Variants in MEIOC observed in about 807,000 individuals in gnomAD.
The protein encoded by MEIOC is meiosis-specific coiled-coil domain-containing protein MEIOC.
A neutral mutation model predicts 85.3 loss-of-function variants in MEIOC; 9 were observed. The ratio of observed to expected loss-of-function variants is 0.11; its 90% CI spans 0.06 to 0.18. The LOEUF is 0.18. MEIOC is among the 10% of genes least tolerant of loss of function. MEIOC has a pLI of 1.00. For missense variants in MEIOC, 898 were observed against 1,129.4 expected, an observed-to-expected ratio of 0.80 and a Z score of 2.94; for synonymous variants, 365 against 393.7, an observed-to-expected ratio of 0.93 and a Z score of 0.86.
rs1598730846 is a variant in MEIOC, at chr17:44,673,748, CTG to C, written c.2638+206_2638+207del. On this transcript the variant is annotated intron_variant, in intron 7 of 7. Coordinates refer to ENST00000409122, the MANE Select transcript of MEIOC (RefSeq NM_001145080.3). ...TCTGTTATAACTGTTTCAAGACAGT[CTG>C]TGTTCTACTCAAACTATAGTCACTA... 7.1e-6 allele frequency: 5 copies of C among 700,598 alleles called. No homozygotes were observed. The East Asian group carries it at 1.1e-4, about 15-fold the overall frequency. 43.4% of individuals were successfully genotyped at this position (700,598 alleles called of 1,614,324 possible). A position where few individuals can be genotyped will look rare whatever the true frequency, so the allele number is the denominator to read the frequency against.
At position 44,667,031 on chromosome 17, in the gene MEIOC, G is replaced by T. The variant is rs1487788340; in HGVS notation, c.1120G>T (p.Val374Phe). The T allele has an allele frequency of 6.2e-7, 1 of 1,613,760 alleles. No individual in the cohort carries two copies. Among genetic ancestry groups the T allele is most frequent in the East Asian group, 2.2e-5 (1 of 44,874 alleles). ...EADTYTKLFQ[V>F]KPANQKKMEE... is the part of the protein sequence containing the mutation. ...AGACACCTACACAAAGTTATTTCAGGTTAAGCCAGCGAATCAGAAAAAAAT... is the reference window on the plus strand; with the variant it reads ...AGACACCTACACAAAGTTATTTCAGTTTAAGCCAGCGAATCAGAAAAAAAT... Residue 374 changes from valine (V) to phenylalanine (F), a missense_variant, in exon 5 of 8, where the codon GTT becomes TTT. Transcript: ENST00000409122.
At position 44,657,131 on chromosome 17, in the gene MEIOC, A is replaced by G. The variant is rs1327737555; in HGVS notation, c.74A>G (p.Lys25Arg). The part of the protein sequence containing the change: ...SGLREEGLEP[K>R]VAFPGGANRC... ...TCCTATTCCCGTGTGCTGCAGCCCA[A>G]AGTCGCGTTCCCCGGAGGTGCGAAT... is the stretch of plus-strand genomic sequence containing the variant. Residue 25 changes from lysine to arginine, a missense_variant, in exon 2 of 8, where the codon AAA (lysine) becomes AGA (arginine). By Grantham distance (26) the Lys-to-Arg change is conservative. Around this residue, in one of 2 missense-constraint regions of MEIOC, gnomAD observed 734 missense variants for 860.1 expected, o/e 0.85. Transcript: ENST00000409122. The G allele has an allele frequency of 1.3e-6, 2 of 1,549,678 alleles. No individual in the cohort carries two copies. Among genetic ancestry groups the G allele is most frequent in the East Asian group, 2.4e-5 (1 of 40,906 alleles).
Position 44,656,698 on chromosome 17 carries a change from G to A in MEIOC, c.69+16G>A. ...AGGACTTGAGGTAATGGATGAGGAA[G>A]GGCAGGGTCCAGGGGGCGGCCAGAC... On this transcript the variant is annotated intron_variant, in intron 1 of 7. Transcript: ENST00000409122. 1 of 1,487,886 alleles carries A rather than the reference G, an allele frequency of 6.7e-7. No individual in the cohort carries two copies. Among genetic ancestry groups the A allele is most frequent in the East Asian group, 3.0e-5 (1 of 33,468 alleles). 92.2% of individuals were successfully genotyped at this position (1,487,886 alleles called of 1,614,324 possible). A position where few individuals can be genotyped will look rare whatever the true frequency, so the allele number is the denominator to read the frequency against.
At chr17:44,669,718 G>A (rs1354319812) in intron 6 of MEIOC, 11 of 504,138 alleles carry the variant, frequency 2.2e-5, no homozygotes, top group Middle Eastern at 5.4e-4. Context: ...AAATTAGCTG[G>A]GGGTGGTGGC....
At position 44,666,546 on chromosome 17, in the gene MEIOC, G is replaced by C; in HGVS notation, c.635G>C (p.Ser212Thr). Reference protein sequence around the residue: ...SAMEKQYLRNSNLTPQQKIDE... With the variant: ...SAMEKQYLRNTNLTPQQKIDE... ...ATGGAAAAGCAATACCTGCGTAACA[G>C]TAATCTCACACCACAACAAAAAATA... Residue 212 changes from serine (S) to threonine (T), a missense_variant, in exon 5 of 8, where the codon AGT (serine) becomes ACT (threonine). Ser to Thr is a moderately conservative substitution (Grantham distance 58). This residue lies in a region of MEIOC where 734 missense variants were observed against 860.1 expected (regional missense o/e 0.85). Transcript: ENST00000409122. The C allele has an allele frequency of 6.2e-7, 1 of 1,609,892 alleles. No homozygotes were observed. The highest frequency in any genetic ancestry group is 8.5e-7 in the Non-Finnish European group (1 of 1,177,892).
In MEIOC at chr17:44,669,466, C is replaced by A. The variant is rs1223653533; in HGVS notation, c.2406C>A (p.Asn802Lys). The A allele has an allele frequency of 6.4e-7, 1 of 1,558,938 alleles. No homozygotes were observed. The highest frequency in any genetic ancestry group is 8.7e-7 in the Non-Finnish European group (1 of 1,150,652). Reference sequence around the variant, plus strand: ...CTCCAGTTCCAAGGCTGACTTCCAACCCATCTAGAGTTGATCGCTTAATTG... The same window carrying A: ...CTCCAGTTCCAAGGCTGACTTCCAAACCATCTAGAGTTGATCGCTTAATTG... ...NNTPVPRLTS[N>K]PSRVDRLIVD... The change falls in exon 6 of 8, where the codon AAC becomes AAA. Residue 802 changes from asparagine to lysine, a missense_variant. Coordinates refer to ENST00000409122, the MANE Select transcript of MEIOC (RefSeq NM_001145080.3).
In MEIOC at chr17:44,673,963, GTTTA is replaced by G. The variant is rs1281508554; in HGVS notation, c.2639-9_2639-6del. The G allele has an allele frequency of 1.9e-6, 3 of 1,550,018 alleles. No homozygotes were observed. Among genetic ancestry groups the G allele is most frequent in the South Asian group, 1.2e-5 (1 of 83,984 alleles). On this transcript the variant is annotated splice_polypyrimidine_tract_variant and intron_variant, in intron 7 of 7. Transcript: ENST00000409122. ...CATTTAATATGAAATGACCCTGAATGTTTATTTTACAGATGTTTTTGCCCTTGCT... is the reference window on the plus strand; with the variant it reads ...CATTTAATATGAAATGACCCTGAATGTTTTACAGATGTTTTTGCCCTTGCT...
At position 44,668,045 on chromosome 17, in the gene MEIOC, T is replaced by C. The variant is rs61745789; in HGVS notation, c.2134T>C (p.Tyr712His). The stretch of plus-strand genomic sequence containing the variant: ...GTTGGATTCCTATGACTTACTTTCT[T>C]ATGATGACTTAAGCCATTTGTACCC... ...PLLDSYDLLS[Y>H]DDLSHLYPYF... Residue 712 changes from tyrosine (Y) to histidine (H), a missense_variant, in exon 5 of 8, where the codon TAT becomes CAT. Tyr to His is a moderately conservative substitution (Grantham distance 83). Transcript: ENST00000409122. 9,726 of 1,613,354 alleles carry C rather than the reference T, an allele frequency of 6.0e-3. 509 individuals are homozygous for C. The African/African-American group carries it at 0.12, about 19-fold the overall frequency.
Position 44,667,192 on chromosome 17 carries a change from C to G in MEIOC, c.1281C>G (p.His427Gln). Residue 427 changes from histidine (H) to glutamine (Q), a missense_variant, in exon 5 of 8, where the codon CAC becomes CAG. Transcript: ENST00000409122. ...GLTSEYGLKP[H>Q]TACPANDFAN... Reference sequence around the variant, plus strand: ...CATCAGAATATGGACTAAAACCTCACACAGCTTGTCCCGCTAATGATTTTG... The same window carrying G: ...CATCAGAATATGGACTAAAACCTCAGACAGCTTGTCCCGCTAATGATTTTG... 1 of 1,613,916 alleles carries G rather than the reference C, an allele frequency of 6.2e-7. No individual in the cohort carries two copies. The highest frequency in any genetic ancestry group is 1.3e-5 in the African/African-American group (1 of 75,058).
intron 2 of MEIOC, among the ~76,000 whole-genome samples, chr17:44,658,345 C>CG (rs1971794546): frequency 6.7e-6 from 1 of 150,048 alleles, no homozygotes; most frequent in Non-Finnish European, 1.5e-5. Flanking sequence ...TTAGTAGATA[C>CG]GGGGTTTCAC....
chr17:44,667,474 A>G lies in MEIOC; in HGVS notation c.1563A>G (p.Ser521=). ...SNHSSDFPQL[S]STNLTPNSNL... is the part of the protein sequence containing the mutation. ...ATTCTTCAGATTTCCCCCAACTATC[A>G]TCCACAAACTTAACCCCAAATAGCA... Residue 521 remains serine (S), a synonymous_variant, in exon 5 of 8, where the codon TCA becomes TCG. Transcript: ENST00000409122. 6.2e-7 allele frequency: 1 copy of G among 1,613,766 alleles called. No individual in the cohort carries two copies. The highest frequency in any genetic ancestry group is 1.1e-5 in the South Asian group (1 of 91,056).
chr17:44,661,707 A>G (rs959782926), intron 2 of MEIOC, among the ~76,000 whole-genome samples: 1 of 151,742 alleles, frequency 6.6e-6, no homozygotes, highest in African/African-American at 2.4e-5. Flanking sequence ...GCCCATCACC[A>G]CCACAGCTGG....
Position 44,666,975 on chromosome 17 carries a change from A to G in MEIOC, c.1064A>G (p.Asn355Ser), listed in dbSNP as rs753682945. Residue 355 changes from asparagine to serine, a missense_variant, in exon 5 of 8, where the codon AAT (asparagine) becomes AGT (serine). Transcript: ENST00000409122. ...GTCCAAGATAGCAAAAAATTAGCCA[A>G]TGGCACACCTGAAACACCAACTGTA... ...FSVQDSKKLANGTPETPTVEA... is the reference protein window; with the variant it reads ...FSVQDSKKLASGTPETPTVEA... The G allele has an allele frequency of 1.5e-5, 25 of 1,613,222 alleles. No individual in the cohort carries two copies. The South Asian group carries it at 1.6e-4, about 11-fold the overall frequency.
chr17:44,663,273 G>GATGATA (rs1177538856), intron 3 of MEIOC, among the ~76,000 whole-genome samples: 5 of 150,100 alleles, frequency 3.3e-5, no homozygotes, highest in Non-Finnish European at 7.4e-5. Flanking sequence ...TAATCTTGAT[G>GATGATA]ATGATGATGA....
At chr17:44,673,746 G>C in intron 7 of MEIOC, 200 bp downstream of exon 7, 1 of 711,948 alleles carries the variant, frequency 1.4e-6, no homozygotes, top group Admixed American at 3.0e-5. Context: ...TTTCAAGACA[G>C]TCTGTGTTCT....
chr17:44,663,305 T>TGATGATGAC (rs1555666704), intron 3 of MEIOC, among the ~76,000 whole-genome samples: 17 of 151,756 alleles, frequency 1.1e-4, no homozygotes, highest in Admixed American at 2.6e-4. Context: ...ATGATGATGA[T>TGATGATGAC]GACGATAACT....
At position 44,668,210 on chromosome 17, in the gene MEIOC, G is replaced by A. The variant is rs754496535; in HGVS notation, c.2299G>A (p.Ala767Thr). The change falls in exon 5 of 8, where the codon GCA becomes ACA. Residue 767 changes from alanine to threonine, a missense_variant. By Grantham distance (58) the Ala-to-Thr change is moderately conservative. Around this residue, in one of 2 missense-constraint regions of MEIOC, gnomAD observed 164 missense variants for 269.2 expected, o/e 0.61. Transcript: ENST00000409122. ...AGAAGAGTGCTGTGAACAATGGAGA[G>A]CATTAGAAAAAGAGAGAAAAAAGGT... Reference protein sequence around the residue: ...RLEECCEQWRALEKERKKTEL... With the variant: ...RLEECCEQWRTLEKERKKTEL... 2.5e-6 allele frequency: 4 copies of A among 1,598,384 alleles called. No homozygotes were observed. Among genetic ancestry groups the A allele is most frequent in the South Asian group, 1.1e-5 (1 of 89,200 alleles).
At chr17:44,656,863 G>C (rs1971764591) in intron 1 of MEIOC, among the ~76,000 whole-genome samples, 181 bp downstream of exon 1, 1 of 150,670 alleles carries the variant, frequency 6.6e-6, no homozygotes, top group Non-Finnish European at 1.5e-5. Context: ...GGGCCGGACG[G>C]AGCGCGGGTC....
chr17:44,667,691 G>C lies in MEIOC; in HGVS notation c.1780G>C (p.Ala594Pro). 6.2e-7 allele frequency: 1 copy of C among 1,613,300 alleles called. No homozygotes were observed. The highest frequency in any genetic ancestry group is 8.5e-7 in the Non-Finnish European group (1 of 1,179,598). Reference sequence around the variant, plus strand: ...AAATGGATTTTGTGATAACTATTCAGCTCAGAAGTATGGGATAATTGAAAA... The same window carrying C: ...AAATGGATTTTGTGATAACTATTCACCTCAGAAGTATGGGATAATTGAAAA... ...QPNGFCDNYS[A>P]QKYGIIENVN... is the part of the protein sequence containing the mutation. Residue 594 changes from alanine to proline, a missense_variant, in exon 5 of 8, where the codon GCT becomes CCT. Physicochemically the swap from Ala to Pro is conservative, Grantham distance 27 (BLOSUM62 -1). Transcript: ENST00000409122.
Sources: allele counts gnomAD v4.1 joint callset (sites outside exome capture counted in the v4.1 genomes callset), GRCh38; gene constraint gnomAD v4.1.1; regional missense constraint gnomAD v4.1.1; transcripts MANE v1.5; gene names NCBI Gene and HGNC (gene_info 2026-07-23, HGNC 2026-07-21).